Variants in CRYZ observed in about 807,000 individuals in gnomAD.
CRYZ encodes crystallin zeta, also known as zeta-crystallin.
A neutral mutation model predicts 34.1 loss-of-function variants in CRYZ; 35 were observed. The ratio of observed to expected loss-of-function variants is 1.03; its 90% CI spans 0.78 to 1.36. The LOEUF (loss-of-function observed/expected upper bound fraction) is 1.36, where lower values mean the gene tolerates loss of function less well. Among genes scored for constraint, CRYZ ranks in the 40% most tolerant of loss-of-function variants. The pLI is 0.00. For missense variants in CRYZ, 403 were observed against 391.8 expected (o/e 1.03, Z -0.24); for synonymous variants, 137 against 136.5 (o/e 1.00, Z -0.03).
At chr1:74,730,205 G>A (rs1647635773) in intron 1 of CRYZ, among the ~76,000 whole-genome samples, 1 of 152,176 alleles carries the variant, frequency 6.6e-6, no homozygotes, top group Non-Finnish European at 1.5e-5. Flanking sequence ...GGATTTGGAA[G>A]ACTCATCTGC....
chr1:74,707,253 T>TA, intron 6 of CRYZ, 49 bp from the exon 7 acceptor site: 1 of 956,984 alleles, frequency 1.0e-6, no homozygotes, highest in Non-Finnish European at 1.6e-6. Flanking sequence ...TGAAAAACTG[T>TA]AAAATAGCTA....
In CRYZ at chr1:74,719,208, C is replaced by A. The variant is rs57504503; in HGVS notation, c.428+1G>T. The stretch of plus-strand genomic sequence containing the variant: ...ATAAAATTGACAGAATGTGTTATTA[C>A]CTGTGGATCAGAGCTCGATAAGCAG... On this transcript the variant is annotated splice_donor_variant, in intron 4 of 8. Coordinates refer to ENST00000340866, the MANE Select transcript of CRYZ (RefSeq NM_001889.4). LOFTEE classifies it high-confidence loss of function. 2.5e-6 allele frequency: 4 copies of A among 1,613,256 alleles called. 1 individual carries two copies. The highest frequency in any genetic ancestry group is 3.3e-5 in the Admixed American group (2 of 59,958).
At chr1:74,720,493 C>T (rs371370243) in intron 3 of CRYZ, among the ~76,000 whole-genome samples, 65 of 152,202 alleles carry the variant, frequency 4.3e-4, no homozygotes, top group African/African-American at 1.2e-3. Context: ...GACTGCCCAC[C>T]GTAACCACCT....
In CRYZ at chr1:74,719,285, G is replaced by A; in HGVS notation, c.352C>T (p.Pro118Ser). 4.3e-6 allele frequency: 7 copies of A among 1,613,844 alleles called. No individual in the cohort carries two copies. Among genetic ancestry groups the A allele is most frequent in the Non-Finnish European group, 5.9e-6 (7 of 1,179,774 alleles). ...LAADHTVYKL[P>S]EKLDFKQGAA... ...CCTTGTTTAAAGTCCAGTTTTTCAG[G>A]TAGTTTGTAAACAGTGTGGTCTGCT... is the stretch of plus-strand genomic sequence containing the variant. The change falls in exon 4 of 9, where the codon CCT becomes TCT. Residue 118 changes from proline to serine, a missense_variant. Transcript: ENST00000340866.
At chr1:74,716,827 CTCATT>C (rs1440695662) in intron 4 of CRYZ, among the ~76,000 whole-genome samples, 1 of 152,134 alleles carries the variant, frequency 6.6e-6, no homozygotes, top group Non-Finnish European at 1.5e-5. Flanking sequence ...CCCCTGTGCT[CTCATT>C]TCTTTTGCAC....
intron 6 of CRYZ, 95 bp from the exon 7 acceptor site, chr1:74,707,299 A>G (rs1646944141): frequency 4.3e-6 from 3 of 700,888 alleles, no homozygotes; most frequent in African/African-American, 1.9e-5. Context: ...TATGTTTCAA[A>G]TGATATATAA....
rs57413593 is a variant in CRYZ, at chr1:74,710,113, G to A, written c.615C>T (p.Tyr205=). ...AAAATTTTACCTTAATTTTATCAAT[G>A]TAATTCACTTCTCTGTGATTGAACA... is the stretch of plus-strand genomic sequence containing the variant. ...HEVFNHREVN[Y]IDKIKKYVGE... Residue 205 remains tyrosine (Y), a synonymous_variant, in exon 6 of 9, where the codon TAC becomes TAT. Transcript: ENST00000340866. The A allele has an allele frequency of 9.0e-3, 14,500 of 1,612,774 alleles. 924 individuals are homozygous for A. In the African/African-American group the frequency reaches 0.15, roughly 17 times the overall value.
intron 3 of CRYZ, among the ~76,000 whole-genome samples, chr1:74,722,146 G>T (rs931048965): frequency 2.0e-5 from 3 of 152,056 alleles, no homozygotes; most frequent in Admixed American, 6.6e-5. Context: ...GAGAGCCCCA[G>T]ACAACACCAA....
At chr1:74,721,403 G>A (rs1465216751) in intron 3 of CRYZ, among the ~76,000 whole-genome samples, 3 of 152,162 alleles carry the variant, frequency 2.0e-5, no homozygotes, top group African/African-American at 7.2e-5. Flanking sequence ...ACAGATGGGA[G>A]AGAGCATGAA....
chr1:74,727,454 A>T (rs1177661629), intron 1 of CRYZ, among the ~76,000 whole-genome samples: 1 of 91,482 alleles, frequency 1.1e-5, no homozygotes, highest in African/African-American at 3.6e-5. Context: ...TCTACTAAAA[A>T]ATACAAAAAA....
intron 2 of CRYZ, among the ~76,000 whole-genome samples, 189 bp from the exon 3 acceptor site, chr1:74,723,459 T>G (rs573901443): frequency 6.6e-6 from 1 of 152,356 alleles, no homozygotes; most frequent in South Asian, 2.1e-4. Flanking sequence ...GAATGGCTTA[T>G]GTACTGCATT....
Position 74,710,250 on chromosome 1 carries a change from G to A in CRYZ, c.481-3C>T, listed in dbSNP as rs754346722. On this transcript the variant is annotated splice_polypyrimidine_tract_variant and splice_region_variant and intron_variant, in intron 5 of 8. Coordinates refer to ENST00000340866, the MANE Select transcript of CRYZ (RefSeq NM_001889.4). Reference sequence around the variant, plus strand: ...ATTTGGCATGCTGCTAATCCAACCTGAAAAACAAATATAACCCAAGAGTTA... The same window carrying A: ...ATTTGGCATGCTGCTAATCCAACCTAAAAAACAAATATAACCCAAGAGTTA... 1 of 1,612,686 alleles carries A rather than the reference G, an allele frequency of 6.2e-7. No homozygotes were observed. The highest frequency in any genetic ancestry group is 8.5e-7 in the Non-Finnish European group (1 of 1,179,556).
Position 74,719,320 on chromosome 1 carries a change from T to A in CRYZ, c.317A>T (p.Tyr106Phe). Residue 106 changes from tyrosine (Y) to phenylalanine (F), a missense_variant, in exon 4 of 9, where the codon TAT becomes TTT. By Grantham distance (22) the Tyr-to-Phe change is conservative (BLOSUM62 3). Coordinates refer to ENST00000340866, the MANE Select transcript of CRYZ (RefSeq NM_001889.4). The part of the protein sequence containing the change: ...SSTISGGYAE[Y>F]ALAADHTVYK... ...AACAGTGTGGTCTGCTGCAAGAGCA[T>A]ACTCTGCATAACCCCCAGAGATCGT... 7.4e-6 allele frequency: 12 copies of A among 1,613,782 alleles called. No homozygotes were observed. The highest frequency in any genetic ancestry group is 1.0e-5 in the Non-Finnish European group (12 of 1,179,698).
intron 4 of CRYZ, among the ~76,000 whole-genome samples, chr1:74,717,054 A>C (rs61790700): frequency 0.086 from 12,994 of 151,962 alleles, 843 homozygotes; most frequent in African/African-American, 0.18. Flanking sequence ...TCAACACTCC[A>C]TCTCCCTATC....
chr1:74,725,063 G>C (rs534681163), intron 1 of CRYZ, among the ~76,000 whole-genome samples: 1 of 152,228 alleles, frequency 6.6e-6, no homozygotes, highest in South Asian at 2.1e-4. Context: ...TTCAACAAAG[G>C]AATCAAACAT....
rs115782218 is a variant in CRYZ at position 74,707,087 on chromosome 1, G to C, written c.732+16C>G. 3.2e-6 allele frequency: 4 copies of C among 1,253,856 alleles called. No homozygotes were observed. The East Asian group carries it at 7.3e-5, about 23-fold the overall frequency. 77.7% of individuals were successfully genotyped at this position (1,253,856 alleles called of 1,614,324 possible). Reference sequence around the variant, plus strand: ...ATTAAAGTGGTAAAAAAAAAAAAAAGAAAAGGAATACTTACTATCACTCGT... The same window carrying C: ...ATTAAAGTGGTAAAAAAAAAAAAAACAAAAGGAATACTTACTATCACTCGT... On this transcript the variant is annotated intron_variant, in intron 7 of 8. Transcript: ENST00000340866.
intron 2 of CRYZ, 28 bp from the exon 3 acceptor site, chr1:74,723,298 A>G: frequency 6.2e-7 from 1 of 1,601,942 alleles, no homozygotes; most frequent in Non-Finnish European, 8.5e-7. Flanking sequence ...TTTAGTTCAC[A>G]GAAAGAATTT....
At chr1:74,719,794 A>G (rs1647131576) in intron 3 of CRYZ, among the ~76,000 whole-genome samples, 1 of 152,076 alleles carries the variant, frequency 6.6e-6, no homozygotes, top group South Asian at 2.1e-4. Context: ...ATGCCCAGCC[A>G]TAAATCATTT....
rs113407138 is a variant in CRYZ at position 74,732,528 on chromosome 1, G to A, written c.-14+428C>T. Among the ~76,000 whole-genome samples, 614 of 150,020 alleles carry A rather than the reference G, an allele frequency of 4.1e-3. 7 individuals carry two copies. Among genetic ancestry groups the A allele is most frequent in the African/African-American group, 0.014 (590 of 41,032 alleles). On this transcript the variant is annotated intron_variant, in intron 1 of 8. Coordinates refer to ENST00000340866, the MANE Select transcript of CRYZ (RefSeq NM_001889.4). ...TGTGGGAAGGGGCCCTGGACAGACCGCTGGGCGCTGCTGCAGGAATCCCCA... is the reference window on the plus strand; with the variant it reads ...TGTGGGAAGGGGCCCTGGACAGACCACTGGGCGCTGCTGCAGGAATCCCCA...
Sources: allele counts gnomAD v4.1 joint callset (sites outside exome capture counted in the v4.1 genomes callset), GRCh38; gene constraint gnomAD v4.1.1; transcripts MANE v1.5; gene names NCBI Gene and HGNC (gene_info 2026-07-23, HGNC 2026-07-21).